ANKRD30A: variants seen among roughly 807,000 people sequenced by gnomAD.
The protein encoded by ANKRD30A is ankyrin repeat domain 30A.
In ANKRD30A, 170 loss-of-function variants were observed where a neutral mutation model predicts 166.3. The observed-to-expected ratio is 1.02, with a 90% CI of 0.90 to 1.16. ANKRD30A has a LOEUF of 1.16. ANKRD30A is among the 50% of genes most tolerant of loss of function. The pLI, the probability that ANKRD30A is intolerant of heterozygous loss-of-function variation, is 0.00. For missense variants in ANKRD30A, 1,630 were observed against 1,518.0 expected (o/e 1.07, Z -1.23); for synonymous variants, 564 against 508.9 (o/e 1.11, Z -1.46).
the ANKRD30A span, among the ~76,000 whole-genome samples, chr10:37,243,937 T>TA: frequency 6.6e-6 from 1 of 152,066 alleles, no homozygotes; most frequent in African/African-American, 2.4e-5. Context: ...GAGCACCACT[T>TA]ACCATTATGC....
the ANKRD30A span, among the ~76,000 whole-genome samples, chr10:37,241,582 A>G: frequency 6.6e-6 from 1 of 152,102 alleles, no homozygotes; most frequent in Non-Finnish European, 1.5e-5. Context: ...CCAAGTTGTT[A>G]TTAGTGCTTT....
chr10:37,164,988 A>G, intron 17 of ANKRD30A, 106 bp from the exon 18 acceptor site: 5 of 1,225,060 alleles, frequency 4.1e-6, no homozygotes, highest in Non-Finnish European at 5.9e-6. Flanking sequence ...TATGGGCCAC[A>G]GAGGAAAATC....
chr10:37,220,519 G>A (rs961572603), intron 34 of ANKRD30A, among the ~76,000 whole-genome samples: 1 of 150,808 alleles, frequency 6.6e-6, no homozygotes, highest in African/African-American at 2.4e-5. Flanking sequence ...ATTATGTATT[G>A]TTATAACCTC....
intron 6 of ANKRD30A, among the ~76,000 whole-genome samples, chr10:37,137,255 C>A (rs1353944665): frequency 6.6e-6 from 1 of 152,142 alleles, no homozygotes; most frequent in Non-Finnish European, 1.5e-5. Context: ...GCCAAGATGG[C>A]TGAATAGGAA....
intron 33 of ANKRD30A, among the ~76,000 whole-genome samples, chr10:37,218,127 T>C (rs1842698762): frequency 6.6e-6 from 1 of 150,982 alleles, no homozygotes; most frequent in Non-Finnish European, 1.5e-5. Context: ...TGATAATTTA[T>C]TGGTAAGTAG....
chr10:37,210,373 A>G (rs1181906416), intron 31 of ANKRD30A, among the ~76,000 whole-genome samples: 1 of 152,098 alleles, frequency 6.6e-6, no homozygotes, highest in Non-Finnish European at 1.5e-5. Flanking sequence ...TCATTGATGG[A>G]CATTTGAGTT....
At chr10:37,251,815 C>T in the ANKRD30A span, among the ~76,000 whole-genome samples, 1 of 152,132 alleles carries the variant, frequency 6.6e-6, no homozygotes. Flanking sequence ...TCAAAGTGCT[C>T]CTTTGATGAT....
chr10:37,211,555 C>T (rs1483484835), intron 31 of ANKRD30A, among the ~76,000 whole-genome samples: 1 of 152,070 alleles, frequency 6.6e-6, no homozygotes, highest in African/African-American at 2.4e-5. Flanking sequence ...TGTGTTGGTT[C>T]CAAGTCTTTG....
In ANKRD30A at chr10:37,157,275, C is replaced by T. The variant is rs1158915542; in HGVS notation, c.1799-1117C>T. On this transcript the variant is annotated intron_variant, in intron 13 of 35. Transcript: ENST00000361713. ...ACTATTGTAGGATTCATTCCTTGAA[C>T]ACTAAAACTGTTATTTTGAATAAGC... 3.2e-4 allele frequency among the ~76,000 whole-genome samples: 48 copies of T among 152,200 alleles called. 1 individual carries two copies. Among genetic ancestry groups the T allele is most frequent in the Admixed American group, 3.1e-3 (48 of 15,284 alleles).
intron 34 of ANKRD30A, among the ~76,000 whole-genome samples, chr10:37,227,106 C>A (rs1023120917): frequency 6.6e-6 from 1 of 151,876 alleles, no homozygotes; most frequent in East Asian, 1.9e-4. Flanking sequence ...TTCTCCTACT[C>A]AGTGCTTGCC....
At position 37,219,719 on chromosome 10, in the gene ANKRD30A, A is replaced by G; in HGVS notation, c.4007A>G (p.Gln1336Arg). Residue 1336 changes from glutamine (Q) to arginine (R), a missense_variant, in exon 34 of 36, where the codon CAA becomes CGA. Gln to Arg is a conservative substitution (Grantham distance 43). Coordinates refer to ENST00000361713, the MANE Select transcript of ANKRD30A (RefSeq NM_052997.3). The stretch of plus-strand genomic sequence containing the variant: ...AGCAAAAATATGTGGCTTCAACAGC[A>G]ATTAGTTCATGCACATAAGAAAGCT... The part of the protein sequence containing the change: ...LQSKNMWLQQ[Q>R]LVHAHKKADN... The G allele has an allele frequency of 6.2e-7, 1 of 1,609,334 alleles. No individual in the cohort carries two copies. The highest frequency in any genetic ancestry group is 8.5e-7 in the Non-Finnish European group (1 of 1,177,084).
intron 30 of ANKRD30A, 137 bp downstream of exon 30, chr10:37,199,925 A>C: frequency 5.9e-6 from 3 of 512,620 alleles, no homozygotes; most frequent in Non-Finnish European, 1.1e-5. Context: ...GAATATGCTT[A>C]ATAGAGAATC....
At chr10:37,240,035 A>G in the ANKRD30A span, among the ~76,000 whole-genome samples, 1 of 152,278 alleles carries the variant, frequency 6.6e-6, no homozygotes. Context: ...GGTTTCTAAA[A>G]TAAACGGTAA....
chr10:37,154,151 TG>T (rs754755434), intron 13 of ANKRD30A, among the ~76,000 whole-genome samples: 13 of 152,124 alleles, frequency 8.5e-5, no homozygotes, highest in Non-Finnish European at 1.5e-4. Flanking sequence ...TTCTCACTGG[TG>T]GGAAGCCATT....
chr10:37,214,328 G>A lies in ANKRD30A; in HGVS notation c.2870-1853G>A, dbSNP rs1196584421. On this transcript the variant is annotated intron_variant, in intron 31 of 35. Transcript: ENST00000361713. ...TTTATTTCTTATAGGCATTACACAGGTAGATCTTACTTTTATATCCATTCT... is the reference window on the plus strand; with the variant it reads ...TTTATTTCTTATAGGCATTACACAGATAGATCTTACTTTTATATCCATTCT... 4.0e-5 allele frequency among the ~76,000 whole-genome samples: 6 copies of A among 151,256 alleles called. No individual in the cohort carries two copies. The South Asian group carries it at 1.2e-3, about 31-fold the overall frequency.
At chr10:37,196,783 T>C (rs190172751) in intron 27 of ANKRD30A, among the ~76,000 whole-genome samples, 9 of 152,118 alleles carry the variant, frequency 5.9e-5, no homozygotes, top group Admixed American at 3.9e-4. Flanking sequence ...TGGAAAAAAA[T>C]GAATATTCAT....
intron 31 of ANKRD30A, 29 bp from the exon 32 acceptor site, chr10:37,216,151 TA>T (rs1842594967): frequency 6.8e-7 from 1 of 1,463,804 alleles, no homozygotes; most frequent in Non-Finnish European, 9.4e-7. Context: ...AGTACTAATA[TA>T]TTTTATTTGT....
chr10:37,158,358 A>T (rs1242978025), intron 13 of ANKRD30A, 34 bp from the exon 14 acceptor site: 1 of 1,598,790 alleles, frequency 6.3e-7, no homozygotes, highest in Non-Finnish European at 8.6e-7. Context: ...TCAGGCTTGC[A>T]TATAATCAAT....
chr10:37,178,493 T>C, intron 24 of ANKRD30A: 1 of 967,664 alleles, frequency 1.0e-6, no homozygotes, highest in East Asian at 1.1e-4. Context: ...TGGTGGTCCT[T>C]GGACGTTGCT....
Sources: allele counts gnomAD v4.1 joint callset (sites outside exome capture counted in the v4.1 genomes callset), GRCh38; gene constraint gnomAD v4.1.1; transcripts MANE v1.5; gene names NCBI Gene and HGNC (gene_info 2026-07-23, HGNC 2026-07-21).